The following NXN variants were observed in gnomAD, a reference collection of about 807,000 sequenced individuals.
NXN encodes the protein nucleoredoxin.
A neutral mutation model predicts 48.6 loss-of-function variants in NXN; 16 were observed. The observed-to-expected ratio is 0.33, with a 90% CI of 0.22 to 0.50. NXN has a LOEUF of 0.50. NXN is among the 20% of genes least tolerant of loss of function. The probability of loss-of-function intolerance (pLI) is 0.98; values close to 1 mark genes in which losing one functional copy is unlikely to be tolerated. For synonymous variants in NXN, 281 were observed against 269.6 expected, an observed-to-expected ratio of 1.04 and a Z score of -0.41; for missense variants, 492 against 605.5, an observed-to-expected ratio of 0.81 and a Z score of 1.97.
chr17:970,132 TG>T (rs1286039816), intron 1 of NXN, among the ~76,000 whole-genome samples: 2 of 152,326 alleles, frequency 1.3e-5, no homozygotes, highest in African/African-American at 4.8e-5. Context: ...AATTTACGTT[TG>T]CTTTTAATCA....
chr17:878,814 A>C (rs1409277821), intron 1 of NXN, among the ~76,000 whole-genome samples: 1 of 152,190 alleles, frequency 6.6e-6, no homozygotes, highest in East Asian at 1.9e-4. Context: ...AGCCTAAAAA[A>C]ACACGCAGAG....
chr17:846,577 C>CGAATGAAG (rs2067864630), intron 1 of NXN, among the ~76,000 whole-genome samples: 1 of 152,228 alleles, frequency 6.6e-6, no homozygotes, highest in African/African-American at 2.4e-5. Flanking sequence ...CAAAAGCCTT[C>CGAATGAAG]ATTCCTGACA....
chr17:802,686 C>T (rs1397266834), intron 7 of NXN, among the ~76,000 whole-genome samples: 3 of 152,160 alleles, frequency 2.0e-5, no homozygotes, highest in African/African-American at 7.2e-5. Flanking sequence ...CTGTGAACCT[C>T]TTTGCTCCCC....
At chr17:901,825 G>A (rs2068540753) in intron 1 of NXN, among the ~76,000 whole-genome samples, 1 of 152,066 alleles carries the variant, frequency 6.6e-6, no homozygotes, top group Admixed American at 6.6e-5. Flanking sequence ...TCAGCCTCCT[G>A]AGTAGTTGGG....
rs1484368052 is a variant in NXN at position 799,376 on chromosome 17, C to A, written c.*1573G>T. 6.6e-6 allele frequency: 1 copy of A among 152,274 alleles called. No individual in the cohort carries two copies. The highest frequency in any genetic ancestry group is 1.5e-5 in the Non-Finnish European group (1 of 68,082). The allele number at this position is 152,274 out of a possible 1,614,324, so 9.4% of individuals were successfully genotyped here. A position where few individuals can be genotyped will look rare whatever the true frequency, so the allele number is the denominator to read the frequency against. On this transcript the variant is annotated 3_prime_UTR_variant, in exon 8 of 8. Coordinates refer to ENST00000336868, the MANE Select transcript of NXN (RefSeq NM_022463.5). ...CCAGAGATGCCTGCTTTATTTCCTA[C>A]GGGGTGATCGCATTTCAGGCTGGTA...
chr17:868,352 C>T (rs1441475606), intron 1 of NXN, among the ~76,000 whole-genome samples: 4 of 152,318 alleles, frequency 2.6e-5, no homozygotes, highest in South Asian at 2.1e-4. Flanking sequence ...ACTCCCTGAC[C>T]GTATCTCCCT....
chr17:805,069 T>C lies in NXN; in HGVS notation c.999A>G (p.Val333=), dbSNP rs767824642. 15 of 1,525,164 alleles carry C rather than the reference T, an allele frequency of 9.8e-6. No homozygotes were observed. The South Asian group carries it at 1.7e-4, about 18-fold the overall frequency. The allele number at this position is 1,525,164 out of a possible 1,614,324, so 94.5% of individuals were successfully genotyped here. Residue 333 remains valine, a splice_region_variant and synonymous_variant, in exon 6 of 8, where the codon GTA becomes GTG. Transcript: ENST00000336868. ...LNEGPCLVLF[V]DSEDDGESEA... ...CCCCTGCCCCCGTGAGCTTCATACC[T>C]ACAAAAAGGACGAGGCAGGGGCCCT...
At chr17:955,461 T>A (rs66622521) in intron 1 of NXN, among the ~76,000 whole-genome samples, 2 of 151,568 alleles carry the variant, frequency 1.3e-5, no homozygotes, top group Admixed American at 6.6e-5. Flanking sequence ...TGAGACACTG[T>A]GCCTGGCCTC....
intron 1 of NXN, among the ~76,000 whole-genome samples, chr17:873,530 G>A (rs1214494373): frequency 1.4e-5 from 2 of 143,282 alleles, no homozygotes; most frequent in Non-Finnish European, 3.0e-5. Context: ...GTCTCCTTCT[G>A]TACTTCTGTA....
At position 840,974 on chromosome 17, in the gene NXN, C is replaced by T. The variant is rs539594380; in HGVS notation, c.361-14896G>A. Among the ~76,000 whole-genome samples the T allele has an allele frequency of 3.9e-4, 59 of 152,334 alleles. 1 individual carries two copies. The highest frequency in any genetic ancestry group is 1.1e-3 in the African/African-American group (46 of 41,560). On this transcript the variant is annotated intron_variant, in intron 1 of 7. Coordinates refer to ENST00000336868, the MANE Select transcript of NXN (RefSeq NM_022463.5). ...CCCCCACTCCTCCACCGCACGGCGGCGGGAGGCAGAGTGTAGGGTGAGAGT... is the reference window on the plus strand; with the variant it reads ...CCCCCACTCCTCCACCGCACGGCGGTGGGAGGCAGAGTGTAGGGTGAGAGT...
chr17:969,104 A>T (rs1165586879), intron 1 of NXN, among the ~76,000 whole-genome samples: 1 of 152,202 alleles, frequency 6.6e-6, no homozygotes, highest in Non-Finnish European at 1.5e-5. Context: ...TCTCTCTTAT[A>T]ATCCAAATAA....
intron 1 of NXN, among the ~76,000 whole-genome samples, chr17:926,924 T>C (rs557524916): frequency 8.5e-5 from 13 of 152,128 alleles, no homozygotes; most frequent in Non-Finnish European, 1.5e-4. Context: ...CCATCTCCCA[T>C]CCAATGCAGC....
intron 5 of NXN, 25 bp from the exon 6 acceptor site, chr17:805,272 C>T: frequency 2.5e-6 from 4 of 1,590,554 alleles, no homozygotes; most frequent in Non-Finnish European, 3.4e-6. Context: ...GGGTGCTTGG[C>T]CGCTGGCCCG....
In NXN at chr17:849,910, C is replaced by T. The variant is rs2067905864; in HGVS notation, c.361-23832G>A. On this transcript the variant is annotated intron_variant, in intron 1 of 7. Coordinates refer to ENST00000336868, the MANE Select transcript of NXN (RefSeq NM_022463.5). The surrounding 1 kb of genome is among the most constrained non-coding windows in gnomAD (Gnocchi z 4.2). ...AGCGAACGAGAGAAGCTGCAGAGCC[C>T]CCAAGGAGCCCGAGAGCGACCTGCT... Among the ~76,000 whole-genome samples, 1 of 152,046 alleles carries T rather than the reference C, an allele frequency of 6.6e-6. No homozygotes were observed. Among genetic ancestry groups the T allele is most frequent in the South Asian group, 2.1e-4 (1 of 4,818 alleles).
intron 1 of NXN, among the ~76,000 whole-genome samples, chr17:874,466 C>A (rs928319641): frequency 6.6e-6 from 1 of 152,232 alleles, no homozygotes; most frequent in African/African-American, 2.4e-5. Flanking sequence ...CACCTGTCAT[C>A]CCAGCTACTC....
At chr17:969,143 GC>G (rs2069342281) in intron 1 of NXN, among the ~76,000 whole-genome samples, 1 of 152,108 alleles carries the variant, frequency 6.6e-6, no homozygotes, top group Non-Finnish European at 1.5e-5. Flanking sequence ...ATACCGAAGC[GC>G]CTGGTAAACA....
At chr17:892,880 C>T (rs1270924118) in intron 1 of NXN, among the ~76,000 whole-genome samples, 2 of 152,210 alleles carry the variant, frequency 1.3e-5, no homozygotes, top group African/African-American at 4.8e-5. Context: ...CTGTGAACTT[C>T]AGATAGTAAC....
chr17:925,855 G>C (rs1405123358), intron 1 of NXN, among the ~76,000 whole-genome samples: 1 of 152,168 alleles, frequency 6.6e-6, no homozygotes. Flanking sequence ...TGGTGGGCTT[G>C]CTCCCAGCAC....
intron 1 of NXN, among the ~76,000 whole-genome samples, chr17:971,647 T>C (rs553922537): frequency 4.6e-5 from 7 of 151,088 alleles, no homozygotes; most frequent in Non-Finnish European, 7.4e-5. Flanking sequence ...AAGGCGGAGC[T>C]GGCAGTCAGC....
Sources: gnomAD v4.1 joint callset for allele counts (sites outside exome capture counted in the v4.1 genomes callset) on GRCh38, gnomAD v4.1.1 for gene constraint, Gnocchi (gnomAD v3.1) non-coding constraint, MANE v1.5 for transcripts, NCBI Gene and HGNC (gene_info 2026-07-23, HGNC 2026-07-21) for gene names.